Variants in IQCH observed in about 807,000 individuals in gnomAD.
IQCH encodes IQ motif containing H, also known as IQ domain-containing protein H.
IQCH carries 98 observed loss-of-function variants against 117.0 expected under a neutral mutation model. That is an observed-to-expected ratio of 0.84 (90% CI 0.71 to 0.99). IQCH has a LOEUF of 0.99. IQCH is among the 50% of genes least tolerant of loss of function. The pLI, the probability that IQCH is intolerant of heterozygous loss-of-function variation, is 0.00. For synonymous variants in IQCH, 412 were observed against 448.2 expected (o/e 0.92, Z 1.02); for missense variants, 1,102 against 1,243.8 (o/e 0.89, Z 1.72).
chr15:67,372,048 C>A, intron 8 of IQCH, 63 bp from the exon 9 acceptor site: 1 of 1,354,268 alleles, frequency 7.4e-7, no homozygotes, highest in Non-Finnish European at 1.0e-6. Flanking sequence ...TGTGTCTTGA[C>A]CACTCATTTA....
chr15:67,285,840 T>G (rs377540020), intron 4 of IQCH, among the ~76,000 whole-genome samples: 66 of 152,294 alleles, frequency 4.3e-4, no homozygotes, highest in African/African-American at 1.5e-3. Flanking sequence ...TTACTATAGC[T>G]TTGTAGTATA....
intron 4 of IQCH, among the ~76,000 whole-genome samples, chr15:67,316,371 A>C (rs1967846374): frequency 6.6e-6 from 1 of 152,224 alleles, no homozygotes; most frequent in Admixed American, 6.5e-5. Context: ...TTTTAAGATA[A>C]GGATTTTCAA....
In IQCH at chr15:67,359,160, G is replaced by A. The variant is rs1970031300; in HGVS notation, c.715-687G>A. Among the ~76,000 whole-genome samples the A allele has an allele frequency of 1.3e-5, 2 of 152,028 alleles. No homozygotes were observed. Among genetic ancestry groups the A allele is most frequent in the Admixed American group, 1.3e-4 (2 of 15,264 alleles). ...ATTCTCACCCTGTTGGAGCGCTCAG[G>A]TCCCACAGTTTTATAGATAACAGAT... On this transcript the variant is annotated intron_variant, in intron 7 of 20. Coordinates refer to ENST00000335894, the MANE Select transcript of IQCH (RefSeq NM_001031715.3). The surrounding 1 kb of genome is among the most constrained non-coding windows in gnomAD (Gnocchi z 4.5).
chr15:67,462,155 G>A (rs1318035644), intron 16 of IQCH, among the ~76,000 whole-genome samples: 1 of 151,542 alleles, frequency 6.6e-6, no homozygotes, highest in African/African-American at 2.4e-5. Flanking sequence ...GTAAAGGTTG[G>A]GCGCGGTGGC....
Position 67,481,996 on chromosome 15 carries a change from G to A in IQCH, c.2799+6178G>A, listed in dbSNP as rs902305667. On this transcript the variant is annotated intron_variant, in intron 18 of 20. Coordinates refer to ENST00000335894, the MANE Select transcript of IQCH (RefSeq NM_001031715.3). The surrounding 1 kb of genome is among the most constrained non-coding windows in gnomAD (Gnocchi z 4.1). ...GCTGCTCACGAGGTTGAGGCAGGAG[G>A]ACCGCTCACTTGAGGCCAGGAGTTC... Among the ~76,000 whole-genome samples, 1 of 152,188 alleles carries A rather than the reference G, an allele frequency of 6.6e-6. No individual in the cohort carries two copies. Among genetic ancestry groups the A allele is most frequent in the Non-Finnish European group, 1.5e-5 (1 of 68,040 alleles).
chr15:67,373,037 CT>C (rs1470635668), intron 9 of IQCH, among the ~76,000 whole-genome samples: 1 of 152,060 alleles, frequency 6.6e-6, no homozygotes, highest in African/African-American at 2.4e-5. Flanking sequence ...AAAATCCTCT[CT>C]TGTCTACATT....
intron 1 of IQCH, among the ~76,000 whole-genome samples, chr15:67,260,455 C>G (rs1174158685): frequency 2.0e-5 from 3 of 152,180 alleles, no homozygotes; most frequent in Non-Finnish European, 4.4e-5. Flanking sequence ...AAACACCTAC[C>G]AAACTCCTTC....
intron 8 of IQCH, among the ~76,000 whole-genome samples, chr15:67,371,135 G>A (rs1324994382): frequency 6.6e-6 from 1 of 152,008 alleles, no homozygotes. Flanking sequence ...AGTTAATACC[G>A]GGTTTACTGA....
At position 67,456,424 on chromosome 15, in the gene IQCH, A is replaced by C. The variant is rs1164314139; in HGVS notation, c.2506-8703A>C. 2.6e-5 allele frequency among the ~76,000 whole-genome samples: 4 copies of C among 152,114 alleles called. No individual in the cohort carries two copies. On this transcript the variant is annotated intron_variant, in intron 16 of 20. Transcript: ENST00000335894. This position sits in a 1 kb window ranked among gnomAD's most constrained non-coding sequence, Gnocchi z 5.1. ...AATGTGGGACCTGAGAAGTCATTTC[A>C]CCCTCAGAGTCCTCACCCATAAAAT...
chr15:67,372,200 C>A lies in IQCH; in HGVS notation c.843C>A (p.Ala281=). Residue 281 remains alanine (A), a synonymous_variant, in exon 9 of 21, where the codon GCC becomes GCA. Coordinates refer to ENST00000335894, the MANE Select transcript of IQCH (RefSeq NM_001031715.3). The stretch of plus-strand genomic sequence containing the variant: ...ATGATGGTGTCATAGACAATACAGC[C>A]CCAGACTTCTTAGCATTCAAGGAAC... ...LIYDGVIDNT[A]PDFLAFKEHF... The A allele has an allele frequency of 6.2e-7, 1 of 1,613,966 alleles. No homozygotes were observed. The highest frequency in any genetic ancestry group is 8.5e-7 in the Non-Finnish European group (1 of 1,179,942).
chr15:67,357,294 G>T, intron 6 of IQCH, 51 bp from the exon 7 acceptor site: 2 of 1,253,256 alleles, frequency 1.6e-6, no homozygotes, highest in South Asian at 2.4e-5. Context: ...TCCAACCAGT[G>T]ACTCAGCCTC....
In IQCH at chr15:67,494,630, G is replaced by C. The variant is rs1489678873; in HGVS notation, c.2970+264G>C. ...AGCTCCTAAGATAGCAGATCTTTCT[G>C]ATGTTGGACGTGAGTCTGAAATGTC... is the stretch of plus-strand genomic sequence containing the variant. On this transcript the variant is annotated intron_variant, in intron 20 of 20. Transcript: ENST00000335894. The surrounding 1 kb of genome is among the most constrained non-coding windows in gnomAD (Gnocchi z 5.5). 5.9e-5 allele frequency among the ~76,000 whole-genome samples: 9 copies of C among 152,140 alleles called. No homozygotes were observed. The highest frequency in any genetic ancestry group is 1.3e-4 in the Non-Finnish European group (9 of 68,020).
chr15:67,501,028 T>TA lies in IQCH; in HGVS notation c.*286dup, dbSNP rs2083967043. The TA allele has an allele frequency of 5.0e-6, 1 of 200,786 alleles. No homozygotes were observed. The highest frequency in any genetic ancestry group is 1.0e-5 in the Non-Finnish European group (1 of 99,670). The allele number at this position is 200,786 out of a possible 1,614,324, so 12.4% of individuals were successfully genotyped here. On this transcript the variant is annotated 3_prime_UTR_variant, in exon 21 of 21. Transcript: ENST00000335894. The surrounding 1 kb of genome is among the most constrained non-coding windows in gnomAD (Gnocchi z 5.2). ...AAGTAATCTGATAAAAGAAGAAAGT[T>TA]AAAAGTCTTACTGATATCACCTCCG... is the stretch of plus-strand genomic sequence containing the variant.
At chr15:67,273,695 G>A (rs1966001550) in intron 3 of IQCH, among the ~76,000 whole-genome samples, 2 of 152,186 alleles carry the variant, frequency 1.3e-5, no homozygotes, top group African/African-American at 4.8e-5. Context: ...TTGAGTTTGA[G>A]TAGGTGTTAC....
At position 67,403,944 on chromosome 15, in the gene IQCH, C is replaced by T. The variant is rs1971775177; in HGVS notation, c.2097+3639C>T. 6.6e-6 allele frequency: 1 copy of T among 152,240 alleles called. No homozygotes were observed. Among genetic ancestry groups the T allele is most frequent in the Non-Finnish European group, 1.5e-5 (1 of 68,058 alleles). The allele number at this position is 152,240 out of a possible 1,614,324, so 9.4% of individuals were successfully genotyped here. ...TTTACTTTCAAGTTTCTCTGCAGCC[C>T]TTCGTTGGGCCTCTGTTACCCTGGA... is the stretch of plus-strand genomic sequence containing the variant. On this transcript the variant is annotated intron_variant, in intron 14 of 20. Transcript: ENST00000335894. The surrounding 1 kb of genome is among the most constrained non-coding windows in gnomAD (Gnocchi z 4.8).
intron 6 of IQCH, among the ~76,000 whole-genome samples, chr15:67,355,413 C>T (rs184640074): frequency 4.3e-4 from 66 of 151,860 alleles, no homozygotes; most frequent in Non-Finnish European, 4.4e-4. Context: ...AGTGAAACCC[C>T]GTCTCTACCA....
At chr15:67,446,656 C>T (rs544663147) in intron 16 of IQCH, among the ~76,000 whole-genome samples, 6 of 152,282 alleles carry the variant, frequency 3.9e-5, no homozygotes, top group Non-Finnish European at 7.4e-5. Context: ...TTTCAGCCAG[C>T]AGCTACTCAA....
chr15:67,475,969 G>A lies in IQCH; in HGVS notation c.2799+151G>A, dbSNP rs187044942. ...AAGGCTGATTGCTGCTTGGGGAAGA[G>A]CAGATACGCAACTCCACAGAAAGTA... On this transcript the variant is annotated intron_variant, in intron 18 of 20. Coordinates refer to ENST00000335894, the MANE Select transcript of IQCH (RefSeq NM_001031715.3). This position sits in a 1 kb window ranked among gnomAD's most constrained non-coding sequence, Gnocchi z 5.7. 938 of 674,696 alleles carry A rather than the reference G, an allele frequency of 1.4e-3. 8 individuals carry two copies. The highest frequency in any genetic ancestry group is 7.0e-4 in the Non-Finnish European group (280 of 400,322). The allele number at this position is 674,696 out of a possible 1,614,324, so 41.8% of individuals were successfully genotyped here. A position where few individuals can be genotyped will look rare whatever the true frequency, so the allele number is the denominator to read the frequency against.
chr15:67,322,828 T>C (rs768463910), intron 4 of IQCH, among the ~76,000 whole-genome samples: 10 of 152,074 alleles, frequency 6.6e-5, no homozygotes, highest in Non-Finnish European at 8.8e-5. Flanking sequence ...TATCTTCCAG[T>C]CTTGCTGGGT....
Sources: gnomAD v4.1 joint callset for allele counts (sites outside exome capture counted in the v4.1 genomes callset) on GRCh38, gnomAD v4.1.1 for gene constraint, Gnocchi (gnomAD v3.1) non-coding constraint, MANE v1.5 for transcripts, NCBI Gene and HGNC (gene_info 2026-07-23, HGNC 2026-07-21) for gene names.